Variants in RANBP17 observed in about 807,000 individuals in gnomAD.
RANBP17 encodes RAN binding protein 17.
In RANBP17, 158 loss-of-function variants were observed where a neutral mutation model predicts 141.2. The ratio of observed to expected loss-of-function variants is 1.12; its 90% CI spans 0.98 to 1.28. The LOEUF is 1.28. RANBP17 is among the 50% of genes most tolerant of loss of function. The pLI is 0.00. For missense variants in RANBP17, 1,438 were observed against 1,290.7 expected (o/e 1.11, Z -1.75); for synonymous variants, 430 against 450.0 (o/e 0.96, Z 0.56).
chr5:171,091,390 G>T (rs1302310822), intron 14 of RANBP17, among the ~76,000 whole-genome samples: 1 of 152,186 alleles, frequency 6.6e-6, no homozygotes, highest in East Asian at 1.9e-4. Context: ...TACCCCCATT[G>T]TGTCTAGGAA....
At chr5:171,168,551 T>C (rs1373007074) in intron 14 of RANBP17, among the ~76,000 whole-genome samples, 4 of 152,142 alleles carry the variant, frequency 2.6e-5, no homozygotes, top group African/African-American at 9.7e-5. Context: ...TTAGGGAAAC[T>C]TTCTGTTCTA....
At chr5:171,076,882 T>G (rs187917368) in intron 14 of RANBP17, among the ~76,000 whole-genome samples, 2 of 152,252 alleles carry the variant, frequency 1.3e-5, no homozygotes, top group Admixed American at 1.3e-4. Context: ...TAACTTGAGG[T>G]AAGCAAGTAA....
At chr5:171,167,956 C>T (rs181721649) in intron 14 of RANBP17, among the ~76,000 whole-genome samples, 31 of 152,268 alleles carry the variant, frequency 2.0e-4, no homozygotes, top group African/African-American at 7.0e-4. Flanking sequence ...TGGGAAAAGT[C>T]GTTTCTCTCT....
At chr5:171,247,576 G>C (rs147365166) in intron 24 of RANBP17, among the ~76,000 whole-genome samples, 2 of 152,254 alleles carry the variant, frequency 1.3e-5, no homozygotes, top group African/African-American at 4.8e-5. Context: ...AAAAATTTTA[G>C]TTAATTTCAT....
intron 14 of RANBP17, among the ~76,000 whole-genome samples, chr5:171,169,429 A>G (rs1759943571): frequency 6.6e-6 from 1 of 152,000 alleles, no homozygotes; most frequent in South Asian, 2.1e-4. Flanking sequence ...TTGAAGTGGG[A>G]TATGTGTTTA....
At chr5:171,059,715 C>A (rs1285727218) in intron 14 of RANBP17, among the ~76,000 whole-genome samples, 1 of 143,498 alleles carries the variant, frequency 7.0e-6, no homozygotes, top group Non-Finnish European at 1.5e-5. Flanking sequence ...TCATTGGTAG[C>A]TTGATGGGGA....
intron 22 of RANBP17, among the ~76,000 whole-genome samples, chr5:171,230,606 CA>C (rs1284562716): frequency 6.6e-6 from 1 of 151,974 alleles, no homozygotes; most frequent in Non-Finnish European, 1.5e-5. Context: ...ACTGAAAATA[CA>C]AAAAATTAGT....
chr5:171,211,042 G>A (rs1018229573), intron 20 of RANBP17, among the ~76,000 whole-genome samples: 11 of 146,426 alleles, frequency 7.5e-5, no homozygotes, highest in African/African-American at 2.8e-4. Context: ...CTTAACTCTG[G>A]ATCCCCAGCC....
intron 5 of RANBP17, among the ~76,000 whole-genome samples, chr5:170,900,816 G>C (rs888893460): frequency 5.9e-5 from 9 of 152,162 alleles, no homozygotes; most frequent in Non-Finnish European, 1.2e-4. Context: ...CCATGTAGTT[G>C]TGCAGTTTTG....
At chr5:171,242,191 A>G (rs968395463) in intron 23 of RANBP17, among the ~76,000 whole-genome samples, 2 of 152,078 alleles carry the variant, frequency 1.3e-5, no homozygotes, top group Non-Finnish European at 2.9e-5. Context: ...TTTTTCAGGT[A>G]TCTTTCTCAT....
At chr5:171,097,608 TTTATTATTATTATTATTA>T (rs35948377) in intron 14 of RANBP17, among the ~76,000 whole-genome samples, 81 of 141,388 alleles carry the variant, frequency 5.7e-4, no homozygotes, top group Non-Finnish European at 7.6e-4. Context: ...ATGTAGTCTT[TTTATTATTATTATTATTA>T]TTATTATTAT....
At chr5:171,115,628 T>C (rs1755564959) in intron 14 of RANBP17, among the ~76,000 whole-genome samples, 1 of 152,196 alleles carries the variant, frequency 6.6e-6, no homozygotes. Flanking sequence ...TTTTTGCAGC[T>C]AGGAATGCTT....
chr5:170,896,932 A>C (rs1770178434), intron 5 of RANBP17: 1 of 708,660 alleles, frequency 1.4e-6, no homozygotes, highest in African/African-American at 1.8e-5. Flanking sequence ...CACCAGAATG[A>C]CCCAGTTGGT....
At chr5:171,024,216 G>C (rs1014143416) in intron 14 of RANBP17, among the ~76,000 whole-genome samples, 60 of 152,110 alleles carry the variant, frequency 3.9e-4, no homozygotes, top group African/African-American at 1.4e-3. Context: ...CAGTACTGCA[G>C]GGTGGTATGA....
At chr5:170,960,365 T>G (rs4868050) in intron 13 of RANBP17, among the ~76,000 whole-genome samples, 93,022 of 151,968 alleles carry the variant, frequency 0.61, 29,846 homozygotes, top group South Asian at 0.88. Flanking sequence ...TTGGGCTGTT[T>G]CACTGGGATG....
At chr5:171,126,793 C>T (rs1308286430) in intron 14 of RANBP17, among the ~76,000 whole-genome samples, 1 of 152,132 alleles carries the variant, frequency 6.6e-6, no homozygotes. Context: ...AAAACCTGAA[C>T]AGACCAATAA....
chr5:170,962,104 A>G (rs1215698392), intron 13 of RANBP17, among the ~76,000 whole-genome samples: 1 of 152,188 alleles, frequency 6.6e-6, no homozygotes, highest in Non-Finnish European at 1.5e-5. Flanking sequence ...TGAGCCCCTG[A>G]TACATCTTGG....
chr5:171,139,993 T>C (rs1326811467), intron 14 of RANBP17, among the ~76,000 whole-genome samples: 1 of 152,118 alleles, frequency 6.6e-6, no homozygotes. Context: ...GCATAAACTC[T>C]CTTATAACTC....
intron 14 of RANBP17, among the ~76,000 whole-genome samples, chr5:171,020,540 T>G (rs1780774194): frequency 6.6e-6 from 1 of 152,210 alleles, no homozygotes; most frequent in Non-Finnish European, 1.5e-5. Context: ...TTGTCTCTTT[T>G]TGGTCTTTGT....
Sources: gnomAD v4.1 joint callset for allele counts (sites outside exome capture counted in the v4.1 genomes callset) on GRCh38, gnomAD v4.1.1 for gene constraint, MANE v1.5 for transcripts, NCBI Gene and HGNC (gene_info 2026-07-23, HGNC 2026-07-21) for gene names.